RPS6KA3: variants seen among roughly 807,000 people sequenced by gnomAD.
RPS6KA3 encodes the protein ribosomal protein S6 kinase alpha-3.
Under a neutral mutation model 67.2 loss-of-function variants are expected in RPS6KA3, and 4 were observed. The observed-to-expected ratio is 0.06, with a 90% CI of 0.03 to 0.14. The LOEUF is 0.14. Ranked by LOEUF, RPS6KA3 falls within the 10% of genes least tolerant of loss-of-function variation. The pLI is 1.00. For missense variants in RPS6KA3, 204 were observed against 559.0 expected, an observed-to-expected ratio of 0.36 and a Z score of 6.40; for synonymous variants, 182 against 183.7, an observed-to-expected ratio of 0.99 and a Z score of 0.07.
In RPS6KA3 at chrX:20,193,430, A is replaced by G. The variant is rs757463256; in HGVS notation, c.593+57T>C. The G allele has an allele frequency of 1.9e-5, 14 of 724,006 alleles. No homozygotes were observed. The South Asian group carries it at 3.0e-4, about 15-fold the overall frequency. 59.7% of individuals were successfully genotyped at this position (724,006 alleles called of 1,213,427 possible). On this transcript the variant is annotated intron_variant, in intron 7 of 21. Coordinates refer to ENST00000379565, the MANE Select transcript of RPS6KA3 (RefSeq NM_004586.3). ...GTTTCATGAAGCCACTTGATTTTTT[A>G]TAATCTCCTAAACAATCATATTACA...
chrX:20,163,453 C>CA (rs1471710064), intron 18 of RPS6KA3, among the ~76,000 whole-genome samples: 1 of 95,482 alleles, frequency 1.0e-5, no homozygotes, highest in Non-Finnish European at 2.0e-5. Flanking sequence ...ATGAGAAATA[C>CA]AAAAAACCCC....
At chrX:20,210,897 GT>G (rs2068696437) in intron 2 of RPS6KA3, among the ~76,000 whole-genome samples, 1 of 109,906 alleles carries the variant, frequency 9.1e-6, no homozygotes, top group Non-Finnish European at 1.9e-5. Context: ...AGGTACAAGG[GT>G]TTCAGACACC....
chrX:20,243,018 C>T (rs2069591014), intron 1 of RPS6KA3, among the ~76,000 whole-genome samples: 1 of 110,354 alleles, frequency 9.1e-6, no homozygotes, highest in African/African-American at 3.3e-5. Context: ...CAACTATTTA[C>T]TACTTTAAAG....
chrX:20,219,192 A>G (rs1195888171), intron 2 of RPS6KA3, among the ~76,000 whole-genome samples: 1 of 112,047 alleles, frequency 8.9e-6, no homozygotes, highest in Non-Finnish European at 1.9e-5. Flanking sequence ...ATTATTTTAG[A>G]ATCCTGAGAA....
chrX:20,191,546 T>C (rs1569219925), intron 7 of RPS6KA3, among the ~76,000 whole-genome samples: 1 of 111,565 alleles, frequency 9.0e-6, no homozygotes, highest in Non-Finnish European at 1.9e-5. Flanking sequence ...TTTCCTGACT[T>C]TTTAATGATC....
intron 7 of RPS6KA3, among the ~76,000 whole-genome samples, chrX:20,193,132 G>C (rs964529982): frequency 9.0e-6 from 1 of 111,181 alleles, no homozygotes; most frequent in East Asian, 2.8e-4. Flanking sequence ...ACAAAAATTA[G>C]CTGGGTGTGT....
At position 20,200,092 on chromosome X, in the gene RPS6KA3, T is replaced by A. The variant is rs1336452845; in HGVS notation, c.325+3930A>T. ...ACAGAATTTATGAAAAGAGACTGAA[T>A]ACAGAAAAGAAGTGAAGGAAATGTG... On this transcript the variant is annotated intron_variant, in intron 4 of 21. Transcript: ENST00000379565. 2.7e-5 allele frequency among the ~76,000 whole-genome samples: 3 copies of A among 111,930 alleles called. No homozygotes were observed. In the East Asian group the frequency reaches 8.3e-4, roughly 31 times the overall value.
At chrX:20,212,341 T>A (rs1055233602) in intron 2 of RPS6KA3, among the ~76,000 whole-genome samples, 1 of 110,436 alleles carries the variant, frequency 9.1e-6, no homozygotes, top group Admixed American at 9.6e-5. Flanking sequence ...CTAGTAAAAA[T>A]ACAAAAATTA....
chrX:20,196,949 T>A (rs1423915111), intron 4 of RPS6KA3, among the ~76,000 whole-genome samples: 1 of 111,855 alleles, frequency 8.9e-6, no homozygotes, highest in African/African-American at 3.3e-5. Flanking sequence ...AAGTTATTCT[T>A]CTGCCTCAGC....
intron 7 of RPS6KA3, among the ~76,000 whole-genome samples, chrX:20,191,688 T>A (rs2148695695): frequency 8.9e-6 from 1 of 112,402 alleles, no homozygotes; most frequent in South Asian, 3.7e-4. Context: ...AAGTGTCTGT[T>A]CATATCCGAG....
intron 1 of RPS6KA3, among the ~76,000 whole-genome samples, chrX:20,260,866 T>C (rs1227906677): frequency 8.9e-6 from 1 of 111,830 alleles, no homozygotes; most frequent in Non-Finnish European, 1.9e-5. Flanking sequence ...GTTACAAAGT[T>C]ATTAAGTGGC....
intron 16 of RPS6KA3, among the ~76,000 whole-genome samples, chrX:20,169,161 TA>T (rs1569198220): frequency 9.0e-6 from 1 of 111,297 alleles, no homozygotes; most frequent in African/African-American, 3.3e-5. Context: ...CCTGGCTAAT[TA>T]AAAAAAAATT....
intron 1 of RPS6KA3, among the ~76,000 whole-genome samples, chrX:20,260,768 A>G (rs765573280): frequency 4.5e-5 from 5 of 111,773 alleles, no homozygotes; most frequent in Admixed American, 1.9e-4. Context: ...AATTCTCACC[A>G]AAACTCTATG....
intron 1 of RPS6KA3, among the ~76,000 whole-genome samples, chrX:20,261,091 T>C (rs1011818258): frequency 2.1e-4 from 23 of 108,329 alleles, no homozygotes; most frequent in Non-Finnish European, 5.7e-5. Flanking sequence ...GTGGGACTCA[T>C]AGGTAGGGAG....
intron 14 of RPS6KA3, 46 bp from the exon 15 acceptor site, chrX:20,172,917 T>C (rs1006669355): frequency 1.8e-6 from 2 of 1,132,987 alleles, no homozygotes; most frequent in Non-Finnish European, 2.4e-6. Context: ...ATGCCTTTAG[T>C]GCATTTTATA....
chrX:20,177,869 T>C (rs1232211533), intron 10 of RPS6KA3, among the ~76,000 whole-genome samples: 1 of 112,304 alleles, frequency 8.9e-6, no homozygotes, highest in Non-Finnish European at 1.9e-5. Flanking sequence ...GGAAAGAGGA[T>C]TGTGAAATAT....
chrX:20,156,304 T>A, intron 20 of RPS6KA3, 55 bp from the exon 21 acceptor site: 1 of 1,095,154 alleles, frequency 9.1e-7, no homozygotes, highest in African/African-American at 1.8e-5. Context: ...TCTTTTTCTA[T>A]GGCTCTTGAT....
At chrX:20,218,264 T>C (rs1219841629) in intron 2 of RPS6KA3, among the ~76,000 whole-genome samples, 2 of 112,238 alleles carry the variant, frequency 1.8e-5, no homozygotes, top group Admixed American at 9.5e-5. Context: ...AAATTGTTCC[T>C]ACTCTAAGTC....
At chrX:20,262,681 T>C (rs994665250) in intron 1 of RPS6KA3, among the ~76,000 whole-genome samples, 13 of 111,324 alleles carry the variant, frequency 1.2e-4, no homozygotes, top group Admixed American at 1.9e-4. Context: ...ACAGTTGACA[T>C]GTAACAATAC....
Sources: allele counts gnomAD v4.1 joint callset (sites outside exome capture counted in the v4.1 genomes callset), GRCh38; gene constraint gnomAD v4.1.1; transcripts MANE v1.5; gene names NCBI Gene and HGNC (gene_info 2026-07-23, HGNC 2026-07-21).